The following STRN3 variants were observed in gnomAD, a reference collection of about 807,000 sequenced individuals.
STRN3 encodes the protein striatin 3, also known as striatin-3.
In STRN3, 29 loss-of-function variants were observed where a neutral mutation model predicts 95.6. That is an observed-to-expected ratio of 0.30 (90% CI 0.23 to 0.41). The LOEUF (loss-of-function observed/expected upper bound fraction) is 0.41, where lower values mean the gene tolerates loss of function less well. STRN3 is among the 10% of genes least tolerant of loss of function. The pLI, the probability that STRN3 is intolerant of heterozygous loss-of-function variation, is 1.00. For missense variants in STRN3, 890 were observed against 972.1 expected (o/e 0.92, Z 1.12); for synonymous variants, 331 against 357.6 (o/e 0.93, Z 0.84).
chr14:30,960,656 T>G (rs1880146752), intron 1 of STRN3, among the ~76,000 whole-genome samples: 1 of 151,462 alleles, frequency 6.6e-6, no homozygotes, highest in Non-Finnish European at 1.5e-5. Flanking sequence ...GATCACGAGG[T>G]CAGGAGATCG....
intron 5 of STRN3, among the ~76,000 whole-genome samples, chr14:30,943,036 C>A (rs1341307450): frequency 6.6e-6 from 1 of 152,212 alleles, no homozygotes; most frequent in African/African-American, 2.4e-5. Flanking sequence ...ATTAGGCATA[C>A]TGCCTCTAAA....
chr14:30,955,546 C>A, intron 3 of STRN3, 74 bp downstream of exon 3: 2 of 1,262,218 alleles, frequency 1.6e-6, no homozygotes, highest in East Asian at 2.6e-5. Context: ...AACCAAAATG[C>A]GGGTAAAGAG....
At chr14:30,899,148 G>A (rs1896236899) in intron 16 of STRN3, among the ~76,000 whole-genome samples, 1 of 152,146 alleles carries the variant, frequency 6.6e-6, no homozygotes, top group African/African-American at 2.4e-5. Flanking sequence ...CAAGAATATG[G>A]CAGATAGTCT....
chr14:30,991,698 T>C (rs1427188146), intron 1 of STRN3, among the ~76,000 whole-genome samples: 1 of 151,632 alleles, frequency 6.6e-6, no homozygotes, highest in Non-Finnish European at 1.5e-5. Flanking sequence ...TTTGAGTGTG[T>C]GTTTGGGGGT....
chr14:31,025,716 C>T, intron 1 of STRN3, 188 bp downstream of exon 1: 1 of 839,738 alleles, frequency 1.2e-6, no homozygotes, highest in Non-Finnish European at 1.8e-6. Flanking sequence ...GGGGAGCAAG[C>T]TTATGCGGGA....
intron 3 of STRN3, 45 bp from the exon 4 acceptor site, chr14:30,950,989 C>T: frequency 6.5e-7 from 1 of 1,529,440 alleles, no homozygotes; most frequent in Non-Finnish European, 8.9e-7. Flanking sequence ...TATTTCGACT[C>T]CTGAAAATAT....
intron 1 of STRN3, among the ~76,000 whole-genome samples, chr14:30,980,533 G>T (rs559746019): frequency 6.6e-6 from 1 of 151,562 alleles, no homozygotes; most frequent in Non-Finnish European, 1.5e-5. Context: ...TCAGCCTCCC[G>T]AGTTGCTGGG....
chr14:30,927,082 T>C (rs1198167748), intron 8 of STRN3, among the ~76,000 whole-genome samples: 2 of 152,052 alleles, frequency 1.3e-5, no homozygotes, highest in Non-Finnish European at 2.9e-5. Flanking sequence ...GGTGGAAGAA[T>C]GGCCTGAGGC....
chr14:30,945,189 T>A (rs1879299620), intron 5 of STRN3, among the ~76,000 whole-genome samples: 1 of 152,160 alleles, frequency 6.6e-6, no homozygotes, highest in African/African-American at 2.4e-5. Context: ...TGTGGAGAAA[T>A]CAGAATCCTT....
intron 1 of STRN3, among the ~76,000 whole-genome samples, chr14:30,959,258 G>A (rs1232273057): frequency 6.6e-6 from 1 of 152,148 alleles, no homozygotes; most frequent in Non-Finnish European, 1.5e-5. Flanking sequence ...CGGAGGGGTC[G>A]AGGCTGCAGT....
At chr14:30,964,238 A>T (rs1272032441) in intron 1 of STRN3, 1 of 152,214 alleles carries the variant, frequency 6.6e-6, no homozygotes, top group East Asian at 1.9e-4. Flanking sequence ...AAGAAAAACA[A>T]AAAACAAAAA....
chr14:30,952,931 T>C (rs893122973), intron 3 of STRN3, among the ~76,000 whole-genome samples: 1 of 152,178 alleles, frequency 6.6e-6, no homozygotes, highest in Admixed American at 6.5e-5. Context: ...TTAGTGTTTA[T>C]CATTTCTTAT....
chr14:30,895,298 G>T lies in STRN3; in HGVS notation c.*113C>A. On this transcript the variant is annotated 3_prime_UTR_variant, in exon 18 of 18. Coordinates refer to ENST00000357479, the MANE Select transcript of STRN3 (RefSeq NM_001083893.2). ...CACCAATTTGTGCCTGCCCCAGATA[G>T]CCTTCACCAGGCAGATCACATGTAG... The T allele has an allele frequency of 9.3e-7, 1 of 1,076,658 alleles. No individual in the cohort carries two copies. The highest frequency in any genetic ancestry group is 1.3e-6 in the Non-Finnish European group (1 of 779,790). The allele number at this position is 1,076,658 out of a possible 1,614,324, so 66.7% of individuals were successfully genotyped here.
Position 30,929,967 on chromosome 14 carries a change from A to AAAAAAAAAAAAAAAAAAAAAAC in STRN3, c.989-657_989-656insGTTTTTTTTTTTTTTTTTTTTT, listed in dbSNP as rs1555317336. Among the ~76,000 whole-genome samples, 57 of 91,192 alleles carry AAAAAAAAAAAAAAAAAAAAAAC rather than the reference A, an allele frequency of 6.3e-4. 1 individual carries two copies. The highest frequency in any genetic ancestry group is 7.0e-4 in the Non-Finnish European group (31 of 44,132). 59.8% of individuals were successfully genotyped at this position (91,192 alleles called of 152,430 possible). A position where few individuals can be genotyped will look rare whatever the true frequency, so the allele number is the denominator to read the frequency against. On this transcript the variant is annotated intron_variant, in intron 7 of 17. Transcript: ENST00000357479. The stretch of plus-strand genomic sequence containing the variant: ...AACTAAGATTAGCAAAAAAAAAAAA[A>AAAAAAAAAAAAAAAAAAAAAAC]AAAAAAAAAAAACTCAAATTCCACT...
chr14:30,981,034 A>G (rs1403534971), intron 1 of STRN3, among the ~76,000 whole-genome samples: 2 of 152,132 alleles, frequency 1.3e-5, no homozygotes, highest in Non-Finnish European at 2.9e-5. Flanking sequence ...CTGTCCAGGC[A>G]TGGTGCCTCA....
chr14:30,958,911 CA>C (rs1880050432), intron 1 of STRN3, among the ~76,000 whole-genome samples: 1 of 152,124 alleles, frequency 6.6e-6, no homozygotes, highest in Admixed American at 6.5e-5. Flanking sequence ...TAGACAAGCA[CA>C]AACCACACAC....
intron 1 of STRN3, among the ~76,000 whole-genome samples, chr14:31,004,197 A>T (rs1181779390): frequency 2.6e-5 from 4 of 152,048 alleles, no homozygotes; most frequent in Non-Finnish European, 4.4e-5. Flanking sequence ...AGAGGTGGGA[A>T]GATCACCTGA....
At chr14:30,936,319 G>A (rs1414581128) in intron 6 of STRN3, among the ~76,000 whole-genome samples, 176 bp downstream of exon 6, 1 of 152,084 alleles carries the variant, frequency 6.6e-6, no homozygotes, top group Non-Finnish European at 1.5e-5. Context: ...GAATAATATA[G>A]CAAACAATTC....
chr14:31,017,399 T>C (rs1332814223), intron 1 of STRN3, among the ~76,000 whole-genome samples: 1 of 82,148 alleles, frequency 1.2e-5, no homozygotes, highest in Non-Finnish European at 3.2e-5. Context: ...CTAGGGAGGC[T>C]GAGGCAGGAG....
Sources: gnomAD v4.1 joint callset for allele counts (sites outside exome capture counted in the v4.1 genomes callset) on GRCh38, gnomAD v4.1.1 for gene constraint, MANE v1.5 for transcripts, NCBI Gene and HGNC (gene_info 2026-07-23, HGNC 2026-07-21) for gene names.